CACNB2: variants seen among roughly 807,000 people sequenced by gnomAD.
CACNB2 encodes the protein calcium voltage-gated channel auxiliary subunit beta 2, also known as voltage-dependent L-type calcium channel subunit beta-2.
In CACNB2, 42 loss-of-function variants were observed where a neutral mutation model predicts 73.3. That is an observed-to-expected ratio of 0.57 (90% CI 0.45 to 0.74). CACNB2 has a LOEUF of 0.74. Among genes scored for constraint, CACNB2 ranks in the 30% least tolerant of loss-of-function variants. CACNB2 has a pLI of 0.00. For synonymous variants in CACNB2, 348 were observed against 310.3 expected, an observed-to-expected ratio of 1.12 and a Z score of -1.28; for missense variants, 940 against 853.0, an observed-to-expected ratio of 1.10 and a Z score of -1.27.
intron 10 of CACNB2, 69 bp from the exon 11 acceptor site, chr10:18,534,007 G>C (rs1290765287): frequency 6.7e-7 from 1 of 1,489,688 alleles, no homozygotes; most frequent in Non-Finnish European, 9.4e-7. Context: ...TTCTGTTGAA[G>C]AAACAGTATA....
intron 3 of CACNB2, among the ~76,000 whole-genome samples, chr10:18,443,035 T>A (rs1289769894): frequency 1.1e-4 from 15 of 135,934 alleles, no homozygotes; most frequent in Admixed American, 2.3e-4. Flanking sequence ...TATATATATA[T>A]AAATAAGGAA....
chr10:18,503,802 G>T (rs2050339413), intron 5 of CACNB2, among the ~76,000 whole-genome samples: 2 of 152,134 alleles, frequency 1.3e-5, no homozygotes, highest in Non-Finnish European at 2.9e-5. Flanking sequence ...ATAAATTAAG[G>T]ATAGTTCTAG....
At chr10:18,518,862 A>G (rs1288676371) in intron 8 of CACNB2, 48 bp from the exon 9 acceptor site, 1 of 1,492,292 alleles carries the variant, frequency 6.7e-7, no homozygotes, top group African/African-American at 1.4e-5. Context: ...TATCATCGTT[A>G]GTAATTTTTT....
At chr10:18,286,386 C>T (rs1307520929) in intron 2 of CACNB2, among the ~76,000 whole-genome samples, 14 of 151,892 alleles carry the variant, frequency 9.2e-5, no homozygotes, top group South Asian at 4.2e-4. Context: ...GGCGCGGTGG[C>T]GGGCGCCTGT....
intron 2 of CACNB2, among the ~76,000 whole-genome samples, chr10:18,301,739 T>C (rs1331817167): frequency 6.6e-6 from 1 of 151,702 alleles, no homozygotes; most frequent in Non-Finnish European, 1.5e-5. Context: ...ACCTCCGCCT[T>C]CTGGGTTCCA....
intron 2 of CACNB2, among the ~76,000 whole-genome samples, chr10:18,172,088 C>G (rs528682573): frequency 6.6e-6 from 1 of 152,264 alleles, no homozygotes; most frequent in South Asian, 2.1e-4. Context: ...AGTGGTGGGG[C>G]ACAGTGTCCC....
At chr10:18,461,522 C>T (rs4448592) in intron 3 of CACNB2, among the ~76,000 whole-genome samples, 93,246 of 151,322 alleles carry the variant, frequency 0.62, 29,461 homozygotes, top group Non-Finnish European at 0.69. Context: ...TTTTTGGCAC[C>T]AGGGAACGAG....
chr10:18,332,886 A>G (rs1011551105), intron 2 of CACNB2, among the ~76,000 whole-genome samples: 20 of 152,224 alleles, frequency 1.3e-4, no homozygotes, highest in African/African-American at 4.8e-4. Flanking sequence ...AATGGTATGA[A>G]AAAGAGACTT....
At chr10:18,398,549 T>TA (rs1324318521) in intron 2 of CACNB2, among the ~76,000 whole-genome samples, 10 of 152,072 alleles carry the variant, frequency 6.6e-5, no homozygotes, top group Non-Finnish European at 1.3e-4. Context: ...CACATGCTTG[T>TA]ATTCCCAGCT....
At chr10:18,354,044 A>G (rs1319264430) in intron 2 of CACNB2, among the ~76,000 whole-genome samples, 4 of 152,320 alleles carry the variant, frequency 2.6e-5, no homozygotes, top group East Asian at 3.9e-4. Context: ...TAGTCTGTCA[A>G]AAAACTATAG....
intron 2 of CACNB2, among the ~76,000 whole-genome samples, chr10:18,200,953 G>A (rs902263933): frequency 6.6e-6 from 1 of 152,106 alleles, no homozygotes; most frequent in Non-Finnish European, 1.5e-5. Flanking sequence ...TTACCTCCAT[G>A]ACATCTATAC....
chr10:18,341,012 G>A lies in CACNB2; in HGVS notation c.214-60912G>A, dbSNP rs146042014. On this transcript the variant is annotated intron_variant, in intron 2 of 13. Coordinates refer to ENST00000324631, the MANE Select transcript of CACNB2 (RefSeq NM_201596.3). Reference sequence around the variant, plus strand: ...CGGGAGAGAAGCCGGCCAGATGCACGGTGCGGTTTAAAGAAAACAGGAATG... The same window carrying A: ...CGGGAGAGAAGCCGGCCAGATGCACAGTGCGGTTTAAAGAAAACAGGAATG... 7,836 of 1,607,234 alleles carry A rather than the reference G, an allele frequency of 4.9e-3. 29 individuals carry two copies. Among genetic ancestry groups the A allele is most frequent in the Non-Finnish European group, 6.1e-3 (7,172 of 1,173,872 alleles).
chr10:18,400,131 C>T (rs949016051), intron 2 of CACNB2, among the ~76,000 whole-genome samples: 8 of 152,194 alleles, frequency 5.3e-5, no homozygotes, highest in Non-Finnish European at 1.2e-4. Flanking sequence ...TGATTACTTT[C>T]GTGTCCTAAT....
chr10:18,364,156 G>A (rs139338937), intron 2 of CACNB2, among the ~76,000 whole-genome samples: 2,806 of 152,060 alleles, frequency 0.018, 96 homozygotes, highest in Admixed American at 0.072. Flanking sequence ...ACTTTGGCCA[G>A]GCTGGTCTTG....
At chr10:18,451,555 G>T (rs1326663562) in intron 3 of CACNB2, among the ~76,000 whole-genome samples, 1 of 152,194 alleles carries the variant, frequency 6.6e-6, no homozygotes, top group Non-Finnish European at 1.5e-5. Flanking sequence ...GAAACTCAAT[G>T]TCTTTAGGGC....
intron 2 of CACNB2, among the ~76,000 whole-genome samples, chr10:18,251,919 C>T (rs371972570): frequency 2.6e-4 from 39 of 152,260 alleles, no homozygotes; most frequent in African/African-American, 8.9e-4. Context: ...CTGGGTGTTA[C>T]AATTCAACAT....
chr10:18,254,858 C>T (rs1383263927), intron 2 of CACNB2, among the ~76,000 whole-genome samples: 7 of 152,216 alleles, frequency 4.6e-5, no homozygotes, highest in African/African-American at 1.7e-4. Flanking sequence ...TGGAAATGTT[C>T]AGGAATGAGA....
intron 2 of CACNB2, among the ~76,000 whole-genome samples, chr10:18,205,020 A>G (rs2035032931): frequency 6.7e-6 from 1 of 149,426 alleles, no homozygotes. Context: ...CCAAGACTCT[A>G]TATTCCAAAC....
At chr10:18,182,872 A>G (rs961383603) in intron 2 of CACNB2, among the ~76,000 whole-genome samples, 4 of 152,004 alleles carry the variant, frequency 2.6e-5, no homozygotes, top group African/African-American at 9.7e-5. Context: ...AAGCGTTAAC[A>G]TTATTAATAT....
Sources: gnomAD v4.1 joint callset for allele counts (sites outside exome capture counted in the v4.1 genomes callset) on GRCh38, gnomAD v4.1.1 for gene constraint, MANE v1.5 for transcripts, NCBI Gene and HGNC (gene_info 2026-07-23, HGNC 2026-07-21) for gene names.